The following ADCY2 variants were observed in gnomAD, a reference collection of about 807,000 sequenced individuals.
ADCY2 encodes adenylate cyclase 2.
In ADCY2, 31 loss-of-function variants were observed where a neutral mutation model predicts 125.2. The observed-to-expected ratio is 0.25, with a 90% CI of 0.19 to 0.33. The LOEUF is 0.33. Among genes scored for constraint, ADCY2 ranks in the 10% least tolerant of loss-of-function variants. ADCY2 has a pLI of 1.00. For synonymous variants in ADCY2, 512 were observed against 548.4 expected, an observed-to-expected ratio of 0.93 and a Z score of 0.93; for missense variants, 904 against 1,418.2, an observed-to-expected ratio of 0.64 and a Z score of 5.82.
intron 4 of ADCY2, among the ~76,000 whole-genome samples, chr5:7,634,489 G>A (rs1041458544): frequency 1.3e-5 from 2 of 152,118 alleles, no homozygotes; most frequent in African/African-American, 4.8e-5. Context: ...GTTACTGGAT[G>A]TGACAATTCC....
At chr5:7,533,114 TATACATATATGCATATAC>T in intron 3 of ADCY2, among the ~76,000 whole-genome samples, 1 of 150,374 alleles carries the variant, frequency 6.7e-6, no homozygotes, top group African/African-American at 2.4e-5. Flanking sequence ...TATACACATA[TATACATATATGCATATAC>T]ACACTATATT....
chr5:7,729,776 C>T (rs1331297693), intron 14 of ADCY2, among the ~76,000 whole-genome samples: 1 of 147,692 alleles, frequency 6.8e-6, no homozygotes, highest in Non-Finnish European at 1.5e-5. Context: ...TCATGTATAT[C>T]TTTCTTTTAG....
intron 4 of ADCY2, among the ~76,000 whole-genome samples, chr5:7,687,900 A>G (rs954547955): frequency 6.6e-6 from 1 of 152,162 alleles, no homozygotes; most frequent in Non-Finnish European, 1.5e-5. Context: ...GCTAATGGAG[A>G]GTTATGTACA....
At chr5:7,749,506 G>A (rs1378720386) in intron 15 of ADCY2, among the ~76,000 whole-genome samples, 1 of 152,238 alleles carries the variant, frequency 6.6e-6, no homozygotes, top group East Asian at 1.9e-4. Flanking sequence ...ATTAAAAATA[G>A]TACTAGTTGT....
chr5:7,773,078 CTACAGCCAGGTCTTATTTGAGAGGTGAG>C lies in ADCY2; in HGVS notation c.2362_2384+5del. 6.2e-7 allele frequency: 1 copy of C among 1,614,110 alleles called. No homozygotes were observed. Among genetic ancestry groups the C allele is most frequent in the Non-Finnish European group, 8.5e-7 (1 of 1,179,998 alleles). ...ACACCCACGCCCACGTCCTGGGCGA[CTACAGCCAGGTCTTATTTGAGAGGTGAG>C]CCACGGCCTCTTCCTTCTCTTACTA... is the stretch of plus-strand genomic sequence containing the variant. On this transcript the variant is annotated splice_donor_variant and splice_donor_5th_base_variant and coding_sequence_variant and intron_variant, in exon 18 of 25. Transcript: ENST00000338316. LOFTEE classifies it high-confidence loss of function.
Position 7,520,824 on chromosome 5 carries a change from C to T in ADCY2, c.495C>T (p.Thr165=). The change falls in exon 3 of 25, where the codon ACC becomes ACT. Residue 165 remains threonine, a synonymous_variant. Transcript: ENST00000338316. ...MRDAIIASVL[T]SSSHTIVLSV... is the part of the protein sequence containing the mutation. ...ACGCCATCATTGCCAGCGTCCTCAC[C>T]TCCTCCTCCCACACCATCGTGCTTA... 1 of 1,614,220 alleles carries T rather than the reference C, an allele frequency of 6.2e-7. No individual in the cohort carries two copies. The highest frequency in any genetic ancestry group is 8.5e-7 in the Non-Finnish European group (1 of 1,180,040).
intron 4 of ADCY2, among the ~76,000 whole-genome samples, chr5:7,682,450 C>G (rs1740371401): frequency 6.6e-6 from 1 of 152,192 alleles, no homozygotes; most frequent in African/African-American, 2.4e-5. Context: ...CTCACCCCTT[C>G]AAGCTTCTCT....
chr5:7,826,758 T>C lies in ADCY2; in HGVS notation c.3163T>C (p.Tyr1055His). The C allele has an allele frequency of 6.2e-7, 1 of 1,614,080 alleles. No homozygotes were observed. Among genetic ancestry groups the C allele is most frequent in the Non-Finnish European group, 8.5e-7 (1 of 1,180,012 alleles). ...ETSLVLQTLG[Y>H]TCTCRGIINV... ...GAGCCTCGTCCTGCAGACCCTCGGATACACGTGCACCTGTCGAGGAATAAT... is the reference window on the plus strand; with the variant it reads ...GAGCCTCGTCCTGCAGACCCTCGGACACACGTGCACCTGTCGAGGAATAAT... Residue 1055 changes from tyrosine (Y) to histidine (H), a missense_variant, in exon 25 of 25, where the codon TAC (tyrosine) becomes CAC (histidine). Physicochemically the swap from Tyr to His is moderately conservative, Grantham distance 83 (BLOSUM62 2). Transcript: ENST00000338316.
chr5:7,532,474 GTTCCTCC>G, intron 3 of ADCY2, among the ~76,000 whole-genome samples: 1 of 152,184 alleles, frequency 6.6e-6, no homozygotes, highest in African/African-American at 2.4e-5. Flanking sequence ...GCTTTGCCTT[GTTCCTCC>G]AGGAAGAAAA....
intron 2 of ADCY2, among the ~76,000 whole-genome samples, chr5:7,420,999 A>C (rs1234197051): frequency 1.3e-5 from 2 of 152,200 alleles, no homozygotes; most frequent in East Asian, 3.9e-4. Flanking sequence ...TTAAGAAATC[A>C]GTGGCAGAGT....
intron 2 of ADCY2, among the ~76,000 whole-genome samples, chr5:7,435,506 C>T (rs1579441030): frequency 6.6e-6 from 1 of 152,320 alleles, no homozygotes; most frequent in African/African-American, 2.4e-5. Flanking sequence ...GGGCATACAA[C>T]AGCTCATTTC....
chr5:7,485,726 T>G (rs376059809), intron 2 of ADCY2, among the ~76,000 whole-genome samples: 3 of 152,172 alleles, frequency 2.0e-5, no homozygotes, highest in African/African-American at 7.2e-5. Flanking sequence ...AAGCACTACA[T>G]TTTAAAAAAC....
chr5:7,628,636 T>G (rs535403928), intron 4 of ADCY2, among the ~76,000 whole-genome samples: 133 of 152,344 alleles, frequency 8.7e-4, no homozygotes, highest in African/African-American at 3.2e-3. Context: ...ATATGTTTAA[T>G]ATAATACAAC....
rs74763702 is a variant in ADCY2, at chr5:7,566,990, T to C, written c.570+46091T>C. ...GCATTTTAAAATAATTCTAAGTAGA[T>C]TATATTGCCAATTCATCACTTAATA... On this transcript the variant is annotated intron_variant, in intron 3 of 24. Coordinates refer to ENST00000338316, the MANE Select transcript of ADCY2 (RefSeq NM_020546.3). Among the ~76,000 whole-genome samples, 133 of 152,330 alleles carry C rather than the reference T, an allele frequency of 8.7e-4. No homozygotes were observed. The East Asian group carries it at 0.019, about 22-fold the overall frequency.
At chr5:7,625,959 A>G (rs1738106009) in intron 3 of ADCY2, among the ~76,000 whole-genome samples, 1 of 152,256 alleles carries the variant, frequency 6.6e-6, no homozygotes, top group Non-Finnish European at 1.5e-5. Context: ...GTCATCTACC[A>G]AAGGGCATGG....
chr5:7,525,655 ATGTG>A (rs34875401), intron 3 of ADCY2, among the ~76,000 whole-genome samples: 100,903 of 150,554 alleles, frequency 0.67, 34,527 homozygotes, highest in East Asian at 0.9. Flanking sequence ...TACATTATAG[ATGTG>A]TGTGTGTGTG....
chr5:7,781,951 C>T (rs554985524), intron 18 of ADCY2, among the ~76,000 whole-genome samples: 1 of 152,300 alleles, frequency 6.6e-6, no homozygotes. Flanking sequence ...GAGAGAAGTC[C>T]TTCAGTAGGA....
chr5:7,774,747 G>A (rs1319841221), intron 18 of ADCY2, among the ~76,000 whole-genome samples: 1 of 152,104 alleles, frequency 6.6e-6, no homozygotes, highest in East Asian at 1.9e-4. Flanking sequence ...TTGAAGCTAG[G>A]GAGACTGACT....
chr5:7,519,732 C>T (rs1744374846), intron 2 of ADCY2, among the ~76,000 whole-genome samples: 1 of 152,164 alleles, frequency 6.6e-6, no homozygotes, highest in South Asian at 2.1e-4. Context: ...GTGCAACCAA[C>T]ACCTCATCTG....
Sources: allele counts gnomAD v4.1 joint callset (sites outside exome capture counted in the v4.1 genomes callset), GRCh38; gene constraint gnomAD v4.1.1; transcripts MANE v1.5; gene names NCBI Gene and HGNC (gene_info 2026-07-23, HGNC 2026-07-21).